MAD1L1: variants seen among roughly 807,000 people sequenced by gnomAD.
MAD1L1 encodes mitotic spindle assembly checkpoint protein MAD1.
A neutral mutation model predicts 96.9 loss-of-function variants in MAD1L1; 95 were observed. That is an observed-to-expected ratio of 0.98 (90% confidence interval 0.83 to 1.16). MAD1L1 has a LOEUF of 1.16. Ranked by LOEUF, MAD1L1 falls within the 50% of genes most tolerant of loss-of-function variation. MAD1L1 has a pLI of 0.00. For missense variants in MAD1L1, 1,007 were observed against 954.4 expected, an observed-to-expected ratio of 1.06 and a Z score of -0.73; for synonymous variants, 473 against 396.6, an observed-to-expected ratio of 1.19 and a Z score of -2.29.
rs1367868682 is a variant in MAD1L1, at chr7:2,146,696, C to G, written c.1073+2456G>C. ...AAAGTGACTTTAAAATGAGGCCCGCCTGGCAAAGCCCTCGGGGATCTGGGC... is the reference window on the plus strand; with the variant it reads ...AAAGTGACTTTAAAATGAGGCCCGCGTGGCAAAGCCCTCGGGGATCTGGGC... On this transcript the variant is annotated intron_variant, in intron 11 of 18. Coordinates refer to ENST00000265854, the MANE Select transcript of MAD1L1 (RefSeq NM_001013836.2). This position sits in a 1 kb window ranked among gnomAD's most constrained non-coding sequence, Gnocchi z 6.2. Among the ~76,000 whole-genome samples the G allele has an allele frequency of 6.6e-6, 1 of 152,274 alleles. No homozygotes were observed. The highest frequency in any genetic ancestry group is 6.5e-5 in the Admixed American group (1 of 15,288).
At chr7:1,987,450 G>A (rs1011373121) in intron 14 of MAD1L1, among the ~76,000 whole-genome samples, 2 of 152,248 alleles carry the variant, frequency 1.3e-5, no homozygotes, top group African/African-American at 2.4e-5. Flanking sequence ...TAAGTATCCC[G>A]GATGAAGCGA....
At chr7:2,062,427 T>G (rs747772577) in intron 12 of MAD1L1, among the ~76,000 whole-genome samples, 2 of 151,360 alleles carry the variant, frequency 1.3e-5, no homozygotes, top group Non-Finnish European at 2.9e-5. Flanking sequence ...ATACAAAAAT[T>G]AGCCCGGTGT....
chr7:2,103,726 C>A lies in MAD1L1; in HGVS notation c.1074-34388G>T. On this transcript the variant is annotated intron_variant, in intron 11 of 18. Coordinates refer to ENST00000265854, the MANE Select transcript of MAD1L1 (RefSeq NM_001013836.2). The surrounding 1 kb of genome is among the most constrained non-coding windows in gnomAD (Gnocchi z 4.3). ...GGCTACTCAGAGGGCAGGTGCTGTC[C>A]TCCTCCCTGCCCAGATCCCAGCAGT... Among the ~76,000 whole-genome samples, 1 of 152,202 alleles carries A rather than the reference C, an allele frequency of 6.6e-6. No individual in the cohort carries two copies. The highest frequency in any genetic ancestry group is 1.9e-4 in the East Asian group (1 of 5,186).
At chr7:1,928,910 G>T (rs532649466) in intron 17 of MAD1L1, among the ~76,000 whole-genome samples, 1 of 152,202 alleles carries the variant, frequency 6.6e-6, no homozygotes, top group Non-Finnish European at 1.5e-5. Flanking sequence ...ACCTCACTGA[G>T]GCCACCTGTG....
intron 18 of MAD1L1, among the ~76,000 whole-genome samples, chr7:1,822,729 T>C (rs1387369973): frequency 1.9e-5 from 1 of 53,088 alleles, no homozygotes; most frequent in Non-Finnish European, 4.7e-5. Flanking sequence ...CGGCCAGCAT[T>C]TTTTTTTTTT....
At chr7:1,897,226 G>A (rs769138343) in intron 18 of MAD1L1, among the ~76,000 whole-genome samples, 90 of 98,444 alleles carry the variant, frequency 9.1e-4, no homozygotes, top group Non-Finnish European at 1.5e-3. Context: ...TGCGTAGGCC[G>A]CACTGGGTAC....
chr7:2,185,682 G>A (rs138619613), intron 10 of MAD1L1, among the ~76,000 whole-genome samples: 1 of 151,918 alleles, frequency 6.6e-6, no homozygotes, highest in Admixed American at 6.6e-5. Flanking sequence ...AGTTTCATGA[G>A]AGAGAGACCA....
chr7:2,073,441 C>A (rs993428028), intron 11 of MAD1L1, among the ~76,000 whole-genome samples: 1 of 152,166 alleles, frequency 6.6e-6, no homozygotes, highest in African/African-American at 2.4e-5. Context: ...CCTCTTGGAC[C>A]CAACCCCCTC....
chr7:2,014,751 G>A (rs933044646), intron 12 of MAD1L1, 109 bp from the exon 13 acceptor site: 79 of 1,307,126 alleles, frequency 6.0e-5, no homozygotes, highest in Admixed American at 1.9e-4. Flanking sequence ...GGGCTCCCTC[G>A]TGAGGACCCA....
At chr7:2,007,790 C>T (rs1782101109) in intron 13 of MAD1L1, among the ~76,000 whole-genome samples, 1 of 152,240 alleles carries the variant, frequency 6.6e-6, no homozygotes, top group Non-Finnish European at 1.5e-5. Context: ...CACAGCAGCT[C>T]TGTCCCAGCT....
chr7:1,957,012 G>A (rs767993452), intron 16 of MAD1L1, among the ~76,000 whole-genome samples: 7 of 152,314 alleles, frequency 4.6e-5, no homozygotes, highest in East Asian at 1.9e-4. Flanking sequence ...CAGCTCTGAC[G>A]CAGAGCCTCT....
chr7:1,864,437 TG>T (rs1317137096), intron 18 of MAD1L1, among the ~76,000 whole-genome samples: 12 of 152,226 alleles, frequency 7.9e-5, no homozygotes, highest in Non-Finnish European at 1.8e-4. Context: ...GGCTCAGGGC[TG>T]GATGGGTCAT....
chr7:1,995,203 G>A (rs533396789), intron 14 of MAD1L1, among the ~76,000 whole-genome samples: 1 of 152,258 alleles, frequency 6.6e-6, no homozygotes, highest in African/African-American at 2.4e-5. Flanking sequence ...CTTCCACTCT[G>A]TGGAGAAGCC....
At chr7:2,039,047 CGTAACTCACG>C (rs955571147) in intron 12 of MAD1L1, among the ~76,000 whole-genome samples, 29 of 152,304 alleles carry the variant, frequency 1.9e-4, no homozygotes, top group African/African-American at 7.0e-4. Flanking sequence ...TGTGCGTCTC[CGTAACTCACG>C]GCAGCCATCC....
intron 18 of MAD1L1, among the ~76,000 whole-genome samples, chr7:1,881,924 T>C (rs547152618): frequency 4.6e-4 from 70 of 152,374 alleles, no homozygotes; most frequent in African/African-American, 1.6e-3. Context: ...TCAGCAGTCC[T>C]GTGTGGCTGG....
intron 18 of MAD1L1, among the ~76,000 whole-genome samples, chr7:1,895,686 T>G (rs188992802): frequency 2.0e-3 from 309 of 152,326 alleles, no homozygotes; most frequent in Admixed American, 5.9e-3. Flanking sequence ...GAGCGGGGCC[T>G]CTGCGGGCAC....
intron 17 of MAD1L1, among the ~76,000 whole-genome samples, chr7:1,906,674 G>A (rs1787652731): frequency 1.3e-5 from 2 of 152,364 alleles, no homozygotes; most frequent in South Asian, 4.1e-4. Context: ...GCTCAGGTGG[G>A]CTGGGCCAGG....
chr7:1,962,420 A>C (rs757323261), intron 15 of MAD1L1, among the ~76,000 whole-genome samples: 3 of 152,234 alleles, frequency 2.0e-5, no homozygotes, highest in Non-Finnish European at 4.4e-5. Flanking sequence ...ATGGACTAAT[A>C]TCCAAAGGAT....
chr7:2,218,808 G>A (rs1793431565), intron 6 of MAD1L1, among the ~76,000 whole-genome samples: 1 of 152,106 alleles, frequency 6.6e-6, no homozygotes, highest in African/African-American at 2.4e-5. Flanking sequence ...GCCGAGGCAG[G>A]AGAATCACTG....
Sources: gnomAD v4.1 joint callset for allele counts (sites outside exome capture counted in the v4.1 genomes callset) on GRCh38, gnomAD v4.1.1 for gene constraint, Gnocchi (gnomAD v3.1) non-coding constraint, MANE v1.5 for transcripts, NCBI Gene and HGNC (gene_info 2026-07-23, HGNC 2026-07-21) for gene names.